The following STK26 variants were observed in gnomAD, a reference collection of about 807,000 sequenced individuals.
The protein encoded by STK26 is serine/threonine-protein kinase 26.
A neutral mutation model predicts 34.7 loss-of-function variants in STK26; 14 were observed. The observed-to-expected ratio is 0.40, with a 90% CI of 0.27 to 0.63. The LOEUF is 0.63. Ranked by LOEUF, STK26 falls within the 30% of genes least tolerant of loss-of-function variation. STK26 has a pLI of 0.38. For synonymous variants in STK26, 100 were observed against 109.8 expected (o/e 0.91, Z 0.56); for missense variants, 226 against 309.1 (o/e 0.73, Z 2.02).
At chrX:132,050,032 CTTAG>C (rs903592358) in intron 2 of STK26, among the ~76,000 whole-genome samples, 2 of 111,044 alleles carry the variant, frequency 1.8e-5, no homozygotes, top group Non-Finnish European at 3.8e-5. Context: ...TACTGGGGGT[CTTAG>C]TTAGGTAGTT....
Position 132,029,597 on chromosome X carries a change from A to T in STK26, c.42+5938A>T, listed in dbSNP as rs144152730. ...CACAAAGCCCTCTGCTCAGCTTTCC[A>T]TACTTTCTGTTATATGGCTCCTCTC... On this transcript the variant is annotated intron_variant, in intron 2 of 11. Transcript: ENST00000394334. 4.5e-5 allele frequency among the ~76,000 whole-genome samples: 5 copies of T among 110,675 alleles called. No individual in the cohort carries two copies. In the South Asian group the frequency reaches 1.9e-3, roughly 43 times the overall value.
intron 2 of STK26, among the ~76,000 whole-genome samples, chrX:132,043,170 C>A (rs1213196605): frequency 8.9e-6 from 1 of 111,824 alleles, no homozygotes; most frequent in Non-Finnish European, 1.9e-5. Flanking sequence ...TTGTTTTAAT[C>A]CAATGCATTT....
intron 7 of STK26, among the ~76,000 whole-genome samples, chrX:132,070,499 C>T (rs1372897648): frequency 1.8e-5 from 2 of 112,005 alleles, no homozygotes; most frequent in African/African-American, 3.2e-5. Context: ...TACACAAGAG[C>T]AGTCCAAACT....
intron 3 of STK26, chrX:132,055,380 A>G: frequency 2.2e-6 from 2 of 895,504 alleles, no homozygotes; most frequent in South Asian, 4.4e-5. Flanking sequence ...TGTGGTAAAT[A>G]TTTGTTAAAA....
chrX:132,069,862 C>T (rs1927358087), intron 7 of STK26, among the ~76,000 whole-genome samples, 199 bp downstream of exon 7: 2 of 110,429 alleles, frequency 1.8e-5, no homozygotes, highest in Admixed American at 9.7e-5. Flanking sequence ...CCTTACCCTT[C>T]GTTTTTTTCT....
At chrX:132,024,170 C>A (rs1935047909) in intron 2 of STK26, among the ~76,000 whole-genome samples, 1 of 111,180 alleles carries the variant, frequency 9.0e-6, no homozygotes, top group Non-Finnish European at 1.9e-5. Context: ...CCTCTTTCTC[C>A]CTTTCGGTAC....
At chrX:132,029,551 C>T (rs1170656095) in intron 2 of STK26, among the ~76,000 whole-genome samples, 1 of 110,032 alleles carries the variant, frequency 9.1e-6, no homozygotes, top group African/African-American at 3.3e-5. Flanking sequence ...CCAATCACCA[C>T]CCCACACCAC....
At chrX:132,050,503 C>T (rs779295392) in intron 2 of STK26, among the ~76,000 whole-genome samples, 1 of 111,436 alleles carries the variant, frequency 9.0e-6, no homozygotes, top group African/African-American at 3.3e-5. Context: ...CCTGCGGAAC[C>T]CACATATATG....
At chrX:132,046,227 A>T (rs1926493535) in intron 2 of STK26, among the ~76,000 whole-genome samples, 1 of 111,436 alleles carries the variant, frequency 9.0e-6, no homozygotes, top group Non-Finnish European at 1.9e-5. Flanking sequence ...TTTTCCTCTG[A>T]TCTGAGCTGG....
At chrX:132,052,472 T>C (rs1926724042) in intron 2 of STK26, among the ~76,000 whole-genome samples, 1 of 112,196 alleles carries the variant, frequency 8.9e-6, no homozygotes, top group Non-Finnish European at 1.9e-5. Context: ...ATCTTTCTCT[T>C]TTTCTGTGTC....
intron 3 of STK26, among the ~76,000 whole-genome samples, chrX:132,063,062 T>C (rs1602773202): frequency 9.0e-6 from 1 of 111,667 alleles, no homozygotes; most frequent in Admixed American, 9.5e-5. Flanking sequence ...CACATCAGGG[T>C]ACATTTACTC....
In STK26 at chrX:132,054,649, G is replaced by A; in HGVS notation, c.61G>A (p.Glu21Lys). 1 of 1,210,392 alleles carries A rather than the reference G, an allele frequency of 8.3e-7. No homozygotes were observed. The highest frequency in any genetic ancestry group is 1.1e-6 in the Non-Finnish European group (1 of 894,623). Residue 21 changes from glutamate to lysine, a missense_variant, in exon 3 of 12, where the codon GAA becomes AAA. Physicochemically the swap from Glu to Lys is moderately conservative, Grantham distance 56. Transcript: ENST00000394334. ...CCTTCAGAATAACATAGCTGATCCA[G>A]AAGAACTGTTCACAAAATTAGAGCG... ...PGMQNNIADP[E>K]ELFTKLERIG...
intron 2 of STK26, among the ~76,000 whole-genome samples, chrX:132,043,727 C>T (rs751726919): frequency 9.0e-6 from 1 of 111,271 alleles, no homozygotes; most frequent in Non-Finnish European, 1.9e-5. Flanking sequence ...TGAAATCATC[C>T]TGGATGCTCC....
chrX:132,072,962 A>G lies in STK26; in HGVS notation c.1095A>G (p.Lys365=). 2 of 1,209,839 alleles carry G rather than the reference A, an allele frequency of 1.7e-6. No homozygotes were observed. Among genetic ancestry groups the G allele is most frequent in the Non-Finnish European group, 2.2e-6 (2 of 894,521 alleles). ...TAACTATTATTCTTTCTCAGCTTAAACAGCAGGACGAGAATAACGCTAGCA... is the reference window on the plus strand; with the variant it reads ...TAACTATTATTCTTTCTCAGCTTAAGCAGCAGGACGAGAATAACGCTAGCA... ...MIITPAFAEL[K]QQDENNASRN... The change falls in exon 11 of 12, where the codon AAA becomes AAG. Residue 365 remains lysine (K), a synonymous_variant. Transcript: ENST00000394334.
At chrX:132,042,806 C>T (rs1421387996) in intron 2 of STK26, among the ~76,000 whole-genome samples, 1 of 111,487 alleles carries the variant, frequency 9.0e-6, no homozygotes, top group Non-Finnish European at 1.9e-5. Flanking sequence ...ATCATGCCAT[C>T]AGTATCATTT....
intron 2 of STK26, among the ~76,000 whole-genome samples, chrX:132,044,095 C>G (rs754666791): frequency 2.7e-5 from 3 of 111,541 alleles, no homozygotes; most frequent in African/African-American, 9.8e-5. Flanking sequence ...TAATCACATG[C>G]CAAAGATTTC....
intron 2 of STK26, among the ~76,000 whole-genome samples, chrX:132,037,769 C>CTTTTTTTTTTTTTTTTTTTTTTTTTTT (rs755403402): frequency 7.7e-5 from 4 of 51,858 alleles, no homozygotes; most frequent in Non-Finnish European, 1.0e-4. Flanking sequence ...CGGAGAGCTG[C>CTTTTTTTTTTTTTTTTTTTTTTTTTTT]TTTTTTTTTT....
rs749579042 is a variant in STK26, at chrX:132,054,880, T to C, written c.273+19T>C. ...TTTAAAGGTAATGTGTGTGCTGTAT[T>C]ATTTAAGTCATAAGGTATTTTCATT... On this transcript the variant is annotated intron_variant, in intron 3 of 11. Coordinates refer to ENST00000394334, the MANE Select transcript of STK26 (RefSeq NM_016542.4). 14 of 1,119,973 alleles carry C rather than the reference T, an allele frequency of 1.3e-5. No homozygotes were observed. The African/African-American group carries it at 2.2e-4, about 17-fold the overall frequency. The allele number at this position is 1,119,973 out of a possible 1,213,427, so 92.3% of individuals were successfully genotyped here. A position where few individuals can be genotyped will look rare whatever the true frequency, so the allele number is the denominator to read the frequency against.
At chrX:132,040,307 G>A (rs1926216214) in intron 2 of STK26, among the ~76,000 whole-genome samples, 1 of 112,097 alleles carries the variant, frequency 8.9e-6, no homozygotes, top group Admixed American at 9.5e-5. Flanking sequence ...CTGAGGTTGT[G>A]GATATAGTAT....
Sources: allele counts gnomAD v4.1 joint callset (sites outside exome capture counted in the v4.1 genomes callset), GRCh38; gene constraint gnomAD v4.1.1; transcripts MANE v1.5; gene names NCBI Gene and HGNC (gene_info 2026-07-23, HGNC 2026-07-21).